The following SLC2A10 variants were observed in gnomAD, a reference collection of about 807,000 sequenced individuals.
The protein encoded by SLC2A10 is solute carrier family 2, facilitated glucose transporter member 10.
A neutral mutation model predicts 32.1 loss-of-function variants in SLC2A10; 25 were observed. That is an observed-to-expected ratio of 0.78 (90% CI 0.57 to 1.09). The LOEUF (loss-of-function observed/expected upper bound fraction) is 1.09. Among genes scored for constraint, SLC2A10 ranks in the 50% least tolerant of loss-of-function variants. SLC2A10 has a pLI of 0.00. For missense variants in SLC2A10, 673 were observed against 686.5 expected (o/e 0.98, Z 0.22); for synonymous variants, 332 against 309.6 (o/e 1.07, Z -0.76).
upstream of SLC2A10, among the ~76,000 whole-genome samples, chr20:46,708,529 C>A (rs1320550792): frequency 2.0e-5 from 3 of 152,196 alleles, no homozygotes; most frequent in Non-Finnish European, 4.4e-5. Flanking sequence ...CCTTTCCCAG[C>A]CACAAGCTGC....
chr20:46,713,113 T>A (rs537048389), intron 1 of SLC2A10, among the ~76,000 whole-genome samples: 1 of 152,330 alleles, frequency 6.6e-6, no homozygotes, highest in South Asian at 2.1e-4. Context: ...CACTCAATCA[T>A]TCATTTGTTT....
Position 46,726,198 on chromosome 20 carries a change from C to A in SLC2A10, c.1162C>A (p.Arg388=). 6.2e-7 allele frequency: 1 copy of A among 1,614,198 alleles called. No individual in the cohort carries two copies. Among genetic ancestry groups the A allele is most frequent in the Non-Finnish European group, 8.5e-7 (1 of 1,180,048 alleles). The change falls in exon 2 of 5, where the codon CGG becomes AGG. Residue 388 remains arginine (R), a synonymous_variant. Transcript: ENST00000359271. ...PRSGDPSAPP[R]LALSSALPGP... ...ATCTGGAGACCCCTCAGCCCCTCCT[C>A]GGCTGGCCCTGAGCTCTGCCCTCCC...
chr20:46,733,810 C>T lies in SLC2A10; in HGVS notation c.1602C>T (p.Arg534=), dbSNP rs1272713629. 6.2e-7 allele frequency: 1 copy of T among 1,614,182 alleles called. No individual in the cohort carries two copies. Among genetic ancestry groups the T allele is most frequent in the South Asian group, 1.1e-5 (1 of 91,084 alleles). ...RQNSTGIPYS[R]IEISAAS Reference sequence around the variant, plus strand: ...ACTCCACTGGCATCCCGTACAGCCGCATCGAGATCTCTGCGGCCTCCTGAG... The same window carrying T: ...ACTCCACTGGCATCCCGTACAGCCGTATCGAGATCTCTGCGGCCTCCTGAG... The change falls in exon 5 of 5, where the codon CGC becomes CGT. Residue 534 remains arginine, a synonymous_variant. Coordinates refer to ENST00000359271, the MANE Select transcript of SLC2A10 (RefSeq NM_030777.4).
At chr20:46,711,316 A>G (rs758927276) in intron 1 of SLC2A10, among the ~76,000 whole-genome samples, 3 of 152,164 alleles carry the variant, frequency 2.0e-5, no homozygotes, top group Admixed American at 2.0e-4. Context: ...AAGGTCACAC[A>G]GCTATGGAGA....
At position 46,725,926 on chromosome 20, in the gene SLC2A10, G is replaced by A; in HGVS notation, c.890G>A (p.Arg297Lys). The A allele has an allele frequency of 3.1e-6, 5 of 1,614,020 alleles. No homozygotes were observed. The highest frequency in any genetic ancestry group is 4.2e-6 in the Non-Finnish European group (5 of 1,180,030). Residue 297 changes from arginine to lysine, a missense_variant, in exon 2 of 5, where the codon AGG becomes AAG. By Grantham distance (26) the Arg-to-Lys change is conservative. Coordinates refer to ENST00000359271, the MANE Select transcript of SLC2A10 (RefSeq NM_030777.4). ...GGGCTGGTGGACCGTGCAGGCCGCAGGGCTCTGTTGCTAGCTGGCTGTGCC... is the reference window on the plus strand; with the variant it reads ...GGGCTGGTGGACCGTGCAGGCCGCAAGGCTCTGTTGCTAGCTGGCTGTGCC... ...AMGLVDRAGR[R>K]ALLLAGCALM...
chr20:46,709,546 C>G (rs1362157731), upstream of SLC2A10: 1 of 641,890 alleles, frequency 1.6e-6, no homozygotes, highest in South Asian at 2.7e-5. Flanking sequence ...CCCTCCGTCC[C>G]GCCTCCAGGC....
rs1191372146 is a variant in SLC2A10, at chr20:46,734,183, C to T, written c.*349C>T. ...AAGGGTACCAATCCTGGCAGGAAGT[C>T]TCTCCCGATATCACCCCTAAATCCA... On this transcript the variant is annotated 3_prime_UTR_variant, in exon 5 of 5. Coordinates refer to ENST00000359271, the MANE Select transcript of SLC2A10 (RefSeq NM_030777.4). The T allele has an allele frequency of 5.3e-6, 2 of 374,256 alleles. No homozygotes were observed. Among genetic ancestry groups the T allele is most frequent in the South Asian group, 2.7e-5 (1 of 36,942 alleles). The allele number at this position is 374,256 out of a possible 1,614,324, so 23.2% of individuals were successfully genotyped here.
At chr20:46,721,940 A>C (rs969956138) in intron 1 of SLC2A10, among the ~76,000 whole-genome samples, 1 of 152,202 alleles carries the variant, frequency 6.6e-6, no homozygotes, top group African/African-American at 2.4e-5. Context: ...AGAAGTAACA[A>C]ATGTTTACTA....
intron 3 of SLC2A10, among the ~76,000 whole-genome samples, chr20:46,727,434 C>T (rs1053643705): frequency 6.6e-6 from 1 of 152,150 alleles, no homozygotes; most frequent in Non-Finnish European, 1.5e-5. Flanking sequence ...TATTCTCCTG[C>T]CTCAGTCTCC....
At chr20:46,729,513 G>T in intron 4 of SLC2A10, 25 bp downstream of exon 4, 1 of 1,613,248 alleles carries the variant, frequency 6.2e-7, no homozygotes, top group Non-Finnish European at 8.5e-7. Context: ...GGGTGGGTCT[G>T]GGGGAAGAGC....
At chr20:46,732,093 G>A (rs1348183763) in intron 4 of SLC2A10, among the ~76,000 whole-genome samples, 1 of 152,216 alleles carries the variant, frequency 6.6e-6, no homozygotes. Context: ...CTGTGCCTCA[G>A]ATGTGCTTGT....
chr20:46,708,567 G>C (rs184586246), upstream of SLC2A10, among the ~76,000 whole-genome samples: 2 of 152,300 alleles, frequency 1.3e-5, no homozygotes, highest in African/African-American at 4.8e-5. Flanking sequence ...AGTTCTTACG[G>C]AGCATATATA....
intron 4 of SLC2A10, among the ~76,000 whole-genome samples, chr20:46,730,910 A>T (rs1365395893): frequency 6.6e-6 from 1 of 152,182 alleles, no homozygotes; most frequent in Non-Finnish European, 1.5e-5. Flanking sequence ...AAAACGTTTT[A>T]AAAAATCATT....
intron 1 of SLC2A10, among the ~76,000 whole-genome samples, chr20:46,724,434 A>G (rs566704583): frequency 1.3e-5 from 2 of 152,220 alleles, no homozygotes; most frequent in South Asian, 4.1e-4. Context: ...TGATCAACAA[A>G]TTGATGGATG....
At chr20:46,729,150 C>T (rs949960697) in intron 3 of SLC2A10, among the ~76,000 whole-genome samples, 3 of 152,216 alleles carry the variant, frequency 2.0e-5, no homozygotes, top group African/African-American at 7.2e-5. Flanking sequence ...CCTGGCTCAT[C>T]CCCGCCTTTG....
intron 1 of SLC2A10, chr20:46,710,435 T>C (rs1159531179): frequency 6.0e-6 from 1 of 166,398 alleles, no homozygotes; most frequent in Non-Finnish European, 1.3e-5. Flanking sequence ...CTCTCTCTCA[T>C]GGAGGTGGCA....
In SLC2A10 at chr20:46,725,755, T is replaced by C; in HGVS notation, c.719T>C (p.Leu240Pro). ...GRTTVGLGLVLFQQLTGQPNV... is the reference protein window; with the variant it reads ...GRTTVGLGLVPFQQLTGQPNV... The stretch of plus-strand genomic sequence containing the variant: ...ACCACAGTGGGCCTGGGGCTGGTGC[T>C]CTTCCAGCAACTAACAGGGCAGCCC... The change falls in exon 2 of 5, where the codon CTC becomes CCC. Residue 240 changes from leucine to proline, a missense_variant. Leu to Pro is a moderately conservative substitution (Grantham distance 98). Transcript: ENST00000359271. 6.2e-7 allele frequency: 1 copy of C among 1,614,166 alleles called. No homozygotes were observed.
Position 46,733,757 on chromosome 20 carries a change from T to C in SLC2A10, c.1549T>C (p.Phe517Leu). The change falls in exon 5 of 5, where the codon TTC (phenylalanine) becomes CTC (leucine). Residue 517 changes from phenylalanine to leucine, a missense_variant and splice_region_variant. Coordinates refer to ENST00000359271, the MANE Select transcript of SLC2A10 (RefSeq NM_030777.4). ...EIDQQFQKRR[F>L]TLSFGHRQNS... ...TCCCACGCATTCTTTGTCTGACAGG[T>C]TCACCCTGAGCTTTGGCCACAGGCA... 6.2e-7 allele frequency: 1 copy of C among 1,613,976 alleles called. No homozygotes were observed.
intron 3 of SLC2A10, among the ~76,000 whole-genome samples, chr20:46,729,051 G>A (rs1490408240): frequency 6.6e-6 from 1 of 152,104 alleles, no homozygotes; most frequent in Non-Finnish European, 1.5e-5. Context: ...GAGCCCAAGC[G>A]TGCTCCACGG....
Sources: allele counts gnomAD v4.1 joint callset (sites outside exome capture counted in the v4.1 genomes callset), GRCh38; gene constraint gnomAD v4.1.1; transcripts MANE v1.5; gene names NCBI Gene and HGNC (gene_info 2026-07-23, HGNC 2026-07-21).